Variants in ZNF462 observed in about 807,000 individuals in gnomAD.
ZNF462 encodes zinc finger protein 462, also known as zinc finger PBX1-interacting protein.
A neutral mutation model predicts 201.9 loss-of-function variants in ZNF462; 10 were observed. That is an observed-to-expected ratio of 0.05 (90% CI 0.03 to 0.08). The LOEUF (loss-of-function observed/expected upper bound fraction) is 0.08. Among genes scored for constraint, ZNF462 ranks in the 10% least tolerant of loss-of-function variants. ZNF462 has a pLI of 1.00. For missense variants in ZNF462, 2,523 were observed against 3,168.3 expected (o/e 0.80, Z 4.89); for synonymous variants, 1,227 against 1,193.3 (o/e 1.03, Z -0.58).
chr9:106,935,705 C>T lies in ZNF462; in HGVS notation c.6235+84C>T, dbSNP rs1588083959. 17 of 1,052,932 alleles carry T rather than the reference C, an allele frequency of 1.6e-5. No individual in the cohort carries two copies. In the East Asian group the frequency reaches 4.1e-4, roughly 25 times the overall value. 65.2% of individuals were successfully genotyped at this position (1,052,932 alleles called of 1,614,324 possible). ...TGATCTTTATTGAGTGAAATACTGT[C>T]CTGCCTTACACTTGAGAATGTTATT... On this transcript the variant is annotated intron_variant, in intron 6 of 12. Transcript: ENST00000277225. The surrounding 1 kb of genome is among the most constrained non-coding windows in gnomAD (Gnocchi z 4.1).
At chr9:106,994,617 T>C (rs1828554969) in intron 10 of ZNF462, among the ~76,000 whole-genome samples, 1 of 152,180 alleles carries the variant, frequency 6.6e-6, no homozygotes, top group South Asian at 2.1e-4. Context: ...TCGTTTCTGC[T>C]TTCCCTCATG....
Position 107,009,547 on chromosome 9 carries a change from C to G in ZNF462, c.7192C>G (p.Leu2398Val). Residue 2398 changes from leucine (L) to valine (V), a missense_variant and splice_region_variant, in exon 12 of 13, where the codon CTG becomes GTG. Around this residue, in one of 15 missense-constraint regions of ZNF462, gnomAD observed 228 missense variants for 361.2 expected, o/e 0.63. Coordinates refer to ENST00000277225, the MANE Select transcript of ZNF462 (RefSeq NM_021224.6). The surrounding 1 kb of genome is among the most constrained non-coding windows in gnomAD (Gnocchi z 6.1). ...EMNSKAEDRELMRFSDHGAAL... is the reference protein window; with the variant it reads ...EMNSKAEDREVMRFSDHGAAL... ...ACACTTCTGCTTTCTCTTTGCAGAG[C>G]TGATGAGATTTTCTGACCACGGGGC... The G allele has an allele frequency of 6.2e-7, 1 of 1,613,900 alleles. No individual in the cohort carries two copies. The highest frequency in any genetic ancestry group is 8.5e-7 in the Non-Finnish European group (1 of 1,179,898).
rs1831297485 is a variant in ZNF462, at chr9:106,950,549, A to G, written c.6427+11442A>G. Among the ~76,000 whole-genome samples the G allele has an allele frequency of 6.6e-6, 1 of 152,228 alleles. No homozygotes were observed. Among genetic ancestry groups the G allele is most frequent in the Non-Finnish European group, 1.5e-5 (1 of 68,034 alleles). ...ATGAGGAAATTCACATCTACCTTGCATGTAAGCAAGAGTAATGCCATCAAT... is the reference window on the plus strand; with the variant it reads ...ATGAGGAAATTCACATCTACCTTGCGTGTAAGCAAGAGTAATGCCATCAAT... On this transcript the variant is annotated intron_variant, in intron 7 of 12. Transcript: ENST00000277225. This position sits in a 1 kb window ranked among gnomAD's most constrained non-coding sequence, Gnocchi z 4.1.
rs529130205 is a variant in ZNF462, at chr9:106,981,038, G to T, written c.6833-3148G>T. Among the ~76,000 whole-genome samples, 12 of 152,266 alleles carry T rather than the reference G, an allele frequency of 7.9e-5. No individual in the cohort carries two copies. The highest frequency in any genetic ancestry group is 5.2e-4 in the Admixed American group (8 of 15,304). Reference sequence around the variant, plus strand: ...GTCATTTGCCCACCTTTTAAAGTCTGTCTTTTTTTATTTTTATCTTGGTCA... The same window carrying T: ...GTCATTTGCCCACCTTTTAAAGTCTTTCTTTTTTTATTTTTATCTTGGTCA... On this transcript the variant is annotated intron_variant, in intron 9 of 12. Coordinates refer to ENST00000277225, the MANE Select transcript of ZNF462 (RefSeq NM_021224.6). The surrounding 1 kb of genome is among the most constrained non-coding windows in gnomAD (Gnocchi z 4.0).
rs576693510 is a variant in ZNF462, at chr9:106,885,722, G to T, written c.-31+22367G>T. On this transcript the variant is annotated intron_variant, in intron 1 of 12. Transcript: ENST00000277225. This position sits in a 1 kb window ranked among gnomAD's most constrained non-coding sequence, Gnocchi z 4.1. ...CTCAGCATTAGGTCACCCTTTAGGC[G>T]TATGGTGCAGAGCTCATGCTACCAT... 7.2e-5 allele frequency among the ~76,000 whole-genome samples: 11 copies of T among 152,310 alleles called. No individual in the cohort carries two copies. The highest frequency in any genetic ancestry group is 2.4e-4 in the African/African-American group (10 of 41,584).
In ZNF462 at chr9:106,925,856, C is replaced by T. The variant is rs761948319; in HGVS notation, c.1944C>T (p.His648=). 15 of 1,614,194 alleles carry T rather than the reference C, an allele frequency of 9.3e-6. No homozygotes were observed. Among genetic ancestry groups the T allele is most frequent in the Middle Eastern group, 1.6e-4 (1 of 6,062 alleles). The change falls in exon 3 of 13, where the codon CAC becomes CAT. Residue 648 remains histidine, a synonymous_variant. Transcript: ENST00000277225. This position sits in a 1 kb window ranked among gnomAD's most constrained non-coding sequence, Gnocchi z 7.9. The part of the protein sequence containing the change: ...SLPLENETDS[H]PSSSNTVKKS... Reference sequence around the variant, plus strand: ...CATTGGAAAATGAGACAGACAGCCACCCCTCTTCCAGCAACACTGTGAAGA... The same window carrying T: ...CATTGGAAAATGAGACAGACAGCCATCCCTCTTCCAGCAACACTGTGAAGA...
At chr9:106,871,083 T>C (rs1268720704) in intron 1 of ZNF462, among the ~76,000 whole-genome samples, 5 of 152,216 alleles carry the variant, frequency 3.3e-5, no homozygotes, top group Admixed American at 6.5e-5. Context: ...ATTGTACTTA[T>C]TCCTCCAAAA....
chr9:106,966,606 A>G lies in ZNF462; in HGVS notation c.6428-5399A>G, dbSNP rs186905796. ...TATTAAAACATTTTGTTTGCATTGT[A>G]TCACGATCAATTATTTACATCTTTG... On this transcript the variant is annotated intron_variant, in intron 7 of 12. Coordinates refer to ENST00000277225, the MANE Select transcript of ZNF462 (RefSeq NM_021224.6). The surrounding 1 kb of genome is among the most constrained non-coding windows in gnomAD (Gnocchi z 4.4). Among the ~76,000 whole-genome samples the G allele has an allele frequency of 1.5e-3, 235 of 152,210 alleles. 1 individual carries two copies. Among genetic ancestry groups the G allele is most frequent in the African/African-American group, 5.3e-3 (220 of 41,538 alleles).
intron 6 of ZNF462, among the ~76,000 whole-genome samples, chr9:106,936,760 C>T (rs1298480590): frequency 6.6e-6 from 1 of 152,158 alleles, no homozygotes; most frequent in Non-Finnish European, 1.5e-5. Flanking sequence ...GTCAAAAGCA[C>T]TTTTACCAGC....
chr9:107,009,585 T>C lies in ZNF462; in HGVS notation c.7230T>C (p.Thr2410=), dbSNP rs151330426. 231 of 1,613,412 alleles carry C rather than the reference T, an allele frequency of 1.4e-4. 1 individual carries two copies. In the African/African-American group the frequency reaches 2.9e-3, roughly 20 times the overall value. The change falls in exon 12 of 13, where the codon ACT becomes ACC. Residue 2410 remains threonine (T), a synonymous_variant. Transcript: ENST00000277225. The surrounding 1 kb of genome is among the most constrained non-coding windows in gnomAD (Gnocchi z 6.1). ...CTGACCACGGGGCTGCTCTTAACACTGAGAAGCGTTTTCCATGTGAATTTT... is the reference window on the plus strand; with the variant it reads ...CTGACCACGGGGCTGCTCTTAACACCGAGAAGCGTTTTCCATGTGAATTTT... ...RFSDHGAALN[T]EKRFPCEFCG...
chr9:106,926,599 C>G lies in ZNF462; in HGVS notation c.2687C>G (p.Thr896Ser). 2 of 1,614,126 alleles carry G rather than the reference C, an allele frequency of 1.2e-6. No homozygotes were observed. The highest frequency in any genetic ancestry group is 1.3e-5 in the African/African-American group (1 of 75,000). Residue 896 changes from threonine (T) to serine (S), a missense_variant, in exon 3 of 13, where the codon ACC becomes AGC. This residue lies in a region of ZNF462 where 280 missense variants were observed against 321.3 expected (regional missense o/e 0.87). Coordinates refer to ENST00000277225, the MANE Select transcript of ZNF462 (RefSeq NM_021224.6). This position sits in a 1 kb window ranked among gnomAD's most constrained non-coding sequence, Gnocchi z 7.9. ...TGCCTGGAATGCTACATCGATTACA[C>G]CAACTTCGAAGATCTCCAGCAGCAT... ...YRCLECYIDY[T>S]NFEDLQQHYG...
chr9:106,949,112 G>C (rs1831232348), intron 7 of ZNF462, among the ~76,000 whole-genome samples: 1 of 152,168 alleles, frequency 6.6e-6, no homozygotes, highest in African/African-American at 2.4e-5. Context: ...CTAGAAATAA[G>C]ACTTTGTGAA....
At chr9:106,907,662 TA>T (rs1337560119) in intron 1 of ZNF462, among the ~76,000 whole-genome samples, 1 of 152,040 alleles carries the variant, frequency 6.6e-6, no homozygotes, top group African/African-American at 2.4e-5. Flanking sequence ...TTATATAGCA[TA>T]TTTTTAAAAA....
intron 7 of ZNF462, among the ~76,000 whole-genome samples, chr9:106,941,490 A>G (rs1397208172): frequency 6.6e-6 from 1 of 152,202 alleles, no homozygotes; most frequent in African/African-American, 2.4e-5. Flanking sequence ...CCACAGGGAA[A>G]TAATTTGCAA....
intron 10 of ZNF462, among the ~76,000 whole-genome samples, chr9:106,998,391 A>G (rs746627478): frequency 6.6e-6 from 1 of 152,142 alleles, no homozygotes; most frequent in Non-Finnish European, 1.5e-5. Context: ...CAATATGAAA[A>G]TGCATATTCA....
chr9:106,913,604 ACT>A lies in ZNF462; in HGVS notation c.-30-9749_-30-9748del, dbSNP rs2131327211. Among the ~76,000 whole-genome samples the A allele has an allele frequency of 7.1e-6, 1 of 141,652 alleles. No individual in the cohort carries two copies. Among genetic ancestry groups the A allele is most frequent in the African/African-American group, 2.8e-5 (1 of 35,200 alleles). 92.9% of individuals were successfully genotyped at this position (141,652 alleles called of 152,430 possible). A position where few individuals can be genotyped will look rare whatever the true frequency, so the allele number is the denominator to read the frequency against. ...TCAGAGGTCACATGCTAAAGACTTA[ACT>A]TTTTTTTTTTTGAGACAATCTCATT... On this transcript the variant is annotated intron_variant, in intron 1 of 12. Coordinates refer to ENST00000277225, the MANE Select transcript of ZNF462 (RefSeq NM_021224.6). The surrounding 1 kb of genome is among the most constrained non-coding windows in gnomAD (Gnocchi z 4.1).
At chr9:106,957,266 A>G (rs192632172) in intron 7 of ZNF462, among the ~76,000 whole-genome samples, 3 of 152,200 alleles carry the variant, frequency 2.0e-5, no homozygotes, top group African/African-American at 7.2e-5. Context: ...GGGAGGTCCA[A>G]GGAGAGGGAA....
rs1830154399 is a variant in ZNF462, at chr9:106,925,497, A to C, written c.1585A>C (p.Lys529Gln). The C allele has an allele frequency of 6.2e-7, 1 of 1,614,020 alleles. No individual in the cohort carries two copies. Among genetic ancestry groups the C allele is most frequent in the Non-Finnish European group, 8.5e-7 (1 of 1,180,040 alleles). Residue 529 changes from lysine to glutamine, a missense_variant, in exon 3 of 13, where the codon AAG (lysine) becomes CAG (glutamine). Lys to Gln is a moderately conservative substitution (Grantham distance 53). This residue lies in a region of ZNF462 where 383 missense variants were observed against 453.4 expected (regional missense o/e 0.84). Coordinates refer to ENST00000277225, the MANE Select transcript of ZNF462 (RefSeq NM_021224.6). The surrounding 1 kb of genome is among the most constrained non-coding windows in gnomAD (Gnocchi z 7.9). ...TGAGAGCTCAAGCATCAATGGTAGA[A>C]AGTCAGGAGTCATGTTGGATCCCTT... ...SYESSSINGR[K>Q]SGVMLDPLQQ... is the part of the protein sequence containing the mutation.
At position 106,919,490 on chromosome 9, in the gene ZNF462, C is replaced by A. The variant is rs1829903951; in HGVS notation, c.-30-3864C>A. Among the ~76,000 whole-genome samples, 1 of 152,206 alleles carries A rather than the reference C, an allele frequency of 6.6e-6. No homozygotes were observed. Among genetic ancestry groups the A allele is most frequent in the Non-Finnish European group, 1.5e-5 (1 of 68,022 alleles). On this transcript the variant is annotated intron_variant, in intron 1 of 12. Transcript: ENST00000277225. This position sits in a 1 kb window ranked among gnomAD's most constrained non-coding sequence, Gnocchi z 4.5. ...ATGAGCAGGCTTTGTCCATAATTTA[C>A]TTTTCCCCATTTCTGTATATATGTT...
Sources: gnomAD v4.1 joint callset for allele counts (sites outside exome capture counted in the v4.1 genomes callset) on GRCh38, gnomAD v4.1.1 for gene constraint, gnomAD v4.1.1 regional missense constraint, Gnocchi (gnomAD v3.1) non-coding constraint, MANE v1.5 for transcripts, NCBI Gene and HGNC (gene_info 2026-07-23, HGNC 2026-07-21) for gene names.